The following P2RY12 variants were observed in gnomAD, a reference collection of about 807,000 sequenced individuals.
P2RY12 encodes the protein P2Y purinoceptor 12.
Under a neutral mutation model 4.5 loss-of-function variants are expected in P2RY12, and 3 were observed. That is an observed-to-expected ratio of 0.67 (90% CI 0.31 to 1.74). The LOEUF (loss-of-function observed/expected upper bound fraction) is 1.74. Ranked by LOEUF, P2RY12 falls within the 40% of genes most tolerant of loss-of-function variation. P2RY12 has a pLI of 0.09. For missense variants in P2RY12, 356 were observed against 407.8 expected (o/e 0.87, Z 1.09); for synonymous variants, 148 against 154.1 (o/e 0.96, Z 0.29).
At chr3:151,378,849 A>G (rs1441500821) in intron 1 of P2RY12, among the ~76,000 whole-genome samples, 1 of 152,258 alleles carries the variant, frequency 6.6e-6, no homozygotes, top group African/African-American at 2.4e-5. Context: ...ATACTATAGT[A>G]GCCACCATTT....
At chr3:151,361,136 G>A (rs1416498254) in intron 1 of P2RY12, among the ~76,000 whole-genome samples, 1 of 152,006 alleles carries the variant, frequency 6.6e-6, no homozygotes, top group Non-Finnish European at 1.5e-5. Flanking sequence ...TATCCTTTGG[G>A]CATTACAGTG....
At chr3:151,369,561 C>G in intron 1 of P2RY12, 1 of 1,546,844 alleles carries the variant, frequency 6.5e-7, no homozygotes, top group Non-Finnish European at 8.9e-7. Context: ...TAAGATTATT[C>G]TGACCCTAAG....
In P2RY12 at chr3:151,341,402, A is replaced by AT. The variant is rs574808205; in HGVS notation, c.-179-643dup. On this transcript the variant is annotated intron_variant, in intron 1 of 2. Coordinates refer to ENST00000302632, the MANE Select transcript of P2RY12 (RefSeq NM_022788.5). ...CTTGAATAGAATTTAAATATAAACA[A>AT]TTTTTTTTTGTTTCTTTACCTAACT... is the stretch of plus-strand genomic sequence containing the variant. Among the ~76,000 whole-genome samples the AT allele has an allele frequency of 5.1e-3, 773 of 151,206 alleles. 12 individuals carry two copies. Among genetic ancestry groups the AT allele is most frequent in the African/African-American group, 0.017 (709 of 41,200 alleles).
chr3:151,342,451 C>G (rs1464802173), intron 1 of P2RY12, among the ~76,000 whole-genome samples: 2 of 152,204 alleles, frequency 1.3e-5, no homozygotes, highest in Admixed American at 6.5e-5. Flanking sequence ...AGCAGCAGCT[C>G]TGCATCACTT....
chr3:151,346,423 C>T lies in P2RY12; in HGVS notation c.-179-5663G>A, dbSNP rs529843421. On this transcript the variant is annotated intron_variant, in intron 1 of 2. Coordinates refer to ENST00000302632, the MANE Select transcript of P2RY12 (RefSeq NM_022788.5). The stretch of plus-strand genomic sequence containing the variant: ...CCCAACTCCTGGTAAATGTGGGTCA[C>T]TTCCCTATCTTCACCATTTCATCAT... Among the ~76,000 whole-genome samples, 4 of 152,150 alleles carry T rather than the reference C, an allele frequency of 2.6e-5. No individual in the cohort carries two copies. In the South Asian group the frequency reaches 6.2e-4, roughly 24 times the overall value.
At chr3:151,381,889 C>G (rs1409870455) in intron 1 of P2RY12, among the ~76,000 whole-genome samples, 1 of 152,210 alleles carries the variant, frequency 6.6e-6, no homozygotes. Flanking sequence ...TGGAGTACTT[C>G]TGCATGTGAC....
chr3:151,369,557 T>A, intron 1 of P2RY12: 1 of 1,559,452 alleles, frequency 6.4e-7, no homozygotes, highest in Non-Finnish European at 8.8e-7. Flanking sequence ...TTGGTAAGAT[T>A]ATTCTGACCC....
chr3:151,369,566 C>T (rs778239571), intron 1 of P2RY12: 1 of 1,507,678 alleles, frequency 6.6e-7, no homozygotes, highest in South Asian at 1.2e-5. Context: ...TTATTCTGAC[C>T]CTAAGCTTCT....
chr3:151,344,009 G>T (rs1406151737), intron 1 of P2RY12, among the ~76,000 whole-genome samples: 1 of 152,032 alleles, frequency 6.6e-6, no homozygotes, highest in Non-Finnish European at 1.5e-5. Context: ...TGCTAGCTTG[G>T]CTTTATCCAT....
intron 1 of P2RY12, chr3:151,355,063 A>C (rs1344654331): frequency 7.8e-7 from 1 of 1,287,264 alleles, no homozygotes; most frequent in East Asian, 2.3e-5. Flanking sequence ...GTATCCATTA[A>C]AAATGTCGAG....
At chr3:151,348,796 C>A (rs186216161) in intron 1 of P2RY12, among the ~76,000 whole-genome samples, 1 of 152,120 alleles carries the variant, frequency 6.6e-6, no homozygotes, top group Non-Finnish European at 1.5e-5. Context: ...GAAAAACAGG[C>A]GCTTAGTTTA....
At chr3:151,383,536 G>A (rs1180123214) in intron 1 of P2RY12, among the ~76,000 whole-genome samples, 2 of 152,132 alleles carry the variant, frequency 1.3e-5, no homozygotes, top group Admixed American at 1.3e-4. Context: ...GTTTATTGGT[G>A]CCCACATTCA....
chr3:151,368,157 G>A (rs2107950406), intron 1 of P2RY12: 1 of 1,613,884 alleles, frequency 6.2e-7, no homozygotes, highest in Non-Finnish European at 8.5e-7. Context: ...TAGCTTGTGG[G>A]GATGCGGACG....
intron 1 of P2RY12, chr3:151,366,034 A>C (rs771103184): frequency 7.0e-7 from 1 of 1,432,246 alleles, no homozygotes; most frequent in Non-Finnish European, 9.3e-7. Flanking sequence ...GTGCAATTAA[A>C]TATTTAGTTA....
chr3:151,375,995 C>T lies in P2RY12; in HGVS notation c.-180+8697G>A, dbSNP rs768690149. 1.1e-5 allele frequency: 13 copies of T among 1,195,282 alleles called. No individual in the cohort carries two copies. In the South Asian group the frequency reaches 1.7e-4, roughly 15 times the overall value. 74.0% of individuals were successfully genotyped at this position (1,195,282 alleles called of 1,614,324 possible). On this transcript the variant is annotated intron_variant, in intron 1 of 2. Transcript: ENST00000302632. ...CATATATATATACCGAAAGCCAGTG[C>T]CTGTCAATCTAATTGCCATATTATT...
intron 1 of P2RY12, among the ~76,000 whole-genome samples, chr3:151,341,684 G>A (rs562482014): frequency 3.3e-5 from 5 of 151,474 alleles, no homozygotes; most frequent in South Asian, 4.2e-4. Context: ...CCATTAACTC[G>A]TCATTTAGCA....
chr3:151,339,431 T>TAAAAAA (rs3975402), intron 2 of P2RY12, among the ~76,000 whole-genome samples: 1 of 145,818 alleles, frequency 6.9e-6, no homozygotes, highest in Non-Finnish European at 1.5e-5. Flanking sequence ...ACTGAATCAG[T>TAAAAAA]AAAAAAAAAA....
intron 1 of P2RY12, chr3:151,382,883 C>G: frequency 3.2e-6 from 2 of 623,772 alleles, no homozygotes; most frequent in Non-Finnish European, 5.6e-6. Context: ...TAATTACTTC[C>G]CTGTTTCTAA....
At chr3:151,360,305 A>G (rs1036916797) in intron 1 of P2RY12, among the ~76,000 whole-genome samples, 4 of 152,176 alleles carry the variant, frequency 2.6e-5, no homozygotes, top group African/African-American at 7.2e-5. Flanking sequence ...CAGTGTCATA[A>G]TAGAAAAATT....
Sources: allele counts gnomAD v4.1 joint callset (sites outside exome capture counted in the v4.1 genomes callset), GRCh38; gene constraint gnomAD v4.1.1; transcripts MANE v1.5; gene names NCBI Gene and HGNC (gene_info 2026-07-23, HGNC 2026-07-21).